Variants in PRR5 observed in about 807,000 individuals in gnomAD.
The protein encoded by PRR5 is proline rich 5.
A neutral mutation model predicts 30.6 loss-of-function variants in PRR5; 25 were observed. The observed-to-expected ratio is 0.82, with a 90% CI of 0.60 to 1.14. The LOEUF (loss-of-function observed/expected upper bound fraction) is 1.14. Among genes scored for constraint, PRR5 ranks in the 50% most tolerant of loss-of-function variants. The pLI is 0.00. For synonymous variants in PRR5, 286 were observed against 247.1 expected (o/e 1.16, Z -1.48); for missense variants, 600 against 547.1 (o/e 1.10, Z -0.96).
intron 5 of PRR5, 58 bp downstream of exon 5, chr22:44,731,879 C>A (rs1922045243): frequency 1.3e-6 from 2 of 1,555,528 alleles, no homozygotes; most frequent in East Asian, 2.3e-5. Context: ...CCACCCTGGC[C>A]TCACTCTACA....
intron 1 of PRR5, among the ~76,000 whole-genome samples, chr22:44,710,863 C>G (rs929673621): frequency 6.6e-6 from 1 of 152,162 alleles, no homozygotes; most frequent in Non-Finnish European, 1.5e-5. Context: ...CTCCCTGTAG[C>G]TTCACAGAAA....
At chr22:44,694,595 A>G (rs1925582595) in intron 1 of PRR5, among the ~76,000 whole-genome samples, 1 of 152,134 alleles carries the variant, frequency 6.6e-6, no homozygotes, top group African/African-American at 2.4e-5. Flanking sequence ...AGTGTAGGGA[A>G]GACACACTGA....
chr22:44,733,039 C>T (rs986818844), intron 6 of PRR5, among the ~76,000 whole-genome samples: 3 of 152,222 alleles, frequency 2.0e-5, no homozygotes, highest in Non-Finnish European at 2.9e-5. Context: ...ACACTACACA[C>T]ATACTTGCAT....
intron 1 of PRR5, among the ~76,000 whole-genome samples, chr22:44,678,322 CTCTT>C (rs1277983801): frequency 1.6e-4 from 23 of 144,360 alleles, no homozygotes; most frequent in Non-Finnish European, 1.5e-5. Context: ...CTTCTGCTGG[CTCTT>C]TTTTTTTTTT....
Position 44,736,795 on chromosome 22 carries a change from C to T in PRR5, c.715C>T (p.Arg239Cys), listed in dbSNP as rs529636044. 5.1e-5 allele frequency: 80 copies of T among 1,562,400 alleles called. No individual in the cohort carries two copies. The highest frequency in any genetic ancestry group is 1.1e-4 in the Admixed American group (6 of 55,674). Residue 239 changes from arginine to cysteine, a missense_variant, in exon 8 of 8, where the codon CGC (arginine) becomes TGC (cysteine). Arg to Cys is a radical substitution (Grantham distance 180, BLOSUM62 -3). Transcript: ENST00000336985. ...ILEKRLLRRS[R>C]SGDVLAKNPV... ...AGAAAAGCGCCTCCTCCGCCGCTCC[C>T]GCTCGGGGGACGTGCTGGCCAAGAA...
At chr22:44,679,780 T>C (rs1284845323) in intron 1 of PRR5, 1 of 1,581,676 alleles carries the variant, frequency 6.3e-7, no homozygotes, top group East Asian at 2.3e-5. Context: ...TGGGGCAGGC[T>C]GGTCAGAAGA....
intron 4 of PRR5, 95 bp from the exon 5 acceptor site, chr22:44,731,635 C>T (rs965669025): frequency 7.7e-7 from 1 of 1,294,466 alleles, no homozygotes; most frequent in Non-Finnish European, 1.1e-6. Context: ...AGCCCAGGCC[C>T]TCCACTCCCG....
chr22:44,679,847 CCCGGAAAAGATG>C, intron 1 of PRR5: 5 of 1,598,510 alleles, frequency 3.1e-6, no homozygotes, highest in Non-Finnish European at 4.3e-6. Flanking sequence ...GCTCGGGAAG[CCCGGAAAAGATG>C]CCGGCGCAGC....
upstream of PRR5, among the ~76,000 whole-genome samples, chr22:44,697,886 T>A (rs547910083): frequency 2.2e-4 from 33 of 152,296 alleles, 1 homozygote; most frequent in South Asian, 6.6e-3. Flanking sequence ...TGGCCGCCCC[T>A]GTATCATGCC....
chr22:44,679,517 C>A (rs756364858), intron 1 of PRR5: 2 of 253,844 alleles, frequency 7.9e-6, no homozygotes, highest in Non-Finnish European at 1.6e-5. Flanking sequence ...CCAGCCGGAC[C>A]AACATGGAGA....
chr22:44,711,149 C>T (rs191750804), intron 1 of PRR5, among the ~76,000 whole-genome samples: 1 of 152,150 alleles, frequency 6.6e-6, no homozygotes, highest in Non-Finnish European at 1.5e-5. Context: ...ATGGCGTTCG[C>T]GGGCAGGTGT....
rs1292502851 is a variant in PRR5, at chr22:44,702,440, C to CGCGCGTGG, written c.-29_-22dup. 5.4e-6 allele frequency: 7 copies of CGCGCGTGG among 1,294,894 alleles called. No homozygotes were observed. In the African/African-American group the frequency reaches 1.1e-4, roughly 20 times the overall value. The allele number at this position is 1,294,894 out of a possible 1,614,324, so 80.2% of individuals were successfully genotyped here. On this transcript the variant is annotated 5_prime_UTR_variant, in exon 1 of 8. Coordinates refer to ENST00000336985, the MANE Select transcript of PRR5 (RefSeq NM_181333.4). The stretch of plus-strand genomic sequence containing the variant: ...GCGTGGCGCAGGGCGCGGCGTGGGG[C>CGCGCGTGG]GCGCGTGGGCGCGGCGCAGGCGGCC...
At chr22:44,675,647 C>G (rs563160356), upstream of PRR5, among the ~76,000 whole-genome samples, 1 of 152,228 alleles carries the variant, frequency 6.6e-6, no homozygotes, top group African/African-American at 2.4e-5. Flanking sequence ...CAAATGGGAG[C>G]AAGAAGCAAC....
chr22:44,732,386 C>T lies in PRR5; in HGVS notation c.550C>T (p.Leu184=). The part of the protein sequence containing the change: ...PPAIVQMLLV[L]QGVHESRGVT... The stretch of plus-strand genomic sequence containing the variant: ...TGCCATCGTGCAGATGCTGCTGGTG[C>T]TGCAGGTGGGCACAGTGGGCAGAGG... The change falls in exon 6 of 8, where the codon CTG becomes TTG. Residue 184 remains leucine, a synonymous_variant. Transcript: ENST00000336985. The T allele has an allele frequency of 6.2e-7, 1 of 1,608,374 alleles. No individual in the cohort carries two copies. The highest frequency in any genetic ancestry group is 8.5e-7 in the Non-Finnish European group (1 of 1,178,676).
At chr22:44,722,907 A>C (rs1442832073) in intron 2 of PRR5, among the ~76,000 whole-genome samples, 1 of 152,214 alleles carries the variant, frequency 6.6e-6, no homozygotes, top group African/African-American at 2.4e-5. Context: ...AGGGCTTCCA[A>C]AATGACTACA....
intron 1 of PRR5, among the ~76,000 whole-genome samples, chr22:44,708,820 AG>A (rs1927654192): frequency 6.6e-6 from 1 of 151,914 alleles, no homozygotes; most frequent in African/African-American, 2.4e-5. Flanking sequence ...TACAAAAATT[AG>A]CCCAGCGTGG....
upstream of PRR5, among the ~76,000 whole-genome samples, chr22:44,674,710 C>T (rs574413959): frequency 6.6e-6 from 1 of 150,866 alleles, no homozygotes; most frequent in African/African-American, 2.4e-5. Context: ...CAGAGAGAGA[C>T]TCCGTCTAAA....
intron 1 of PRR5, among the ~76,000 whole-genome samples, chr22:44,681,412 AC>A (rs1037172159): frequency 3.9e-5 from 6 of 151,936 alleles, no homozygotes; most frequent in African/African-American, 1.5e-4. Flanking sequence ...ACATGGTGAA[AC>A]CCTGTCTCTA....
In PRR5 at chr22:44,731,701, C is replaced by T. The variant is rs200621686; in HGVS notation, c.323-29C>T. 8.0e-5 allele frequency: 129 copies of T among 1,609,258 alleles called. 1 individual carries two copies. The East Asian group carries it at 2.6e-3, about 33-fold the overall frequency. ...GAGGCATCTGCCCGCGCCAGTCAGG[C>T]CCAGTGGTGATGGCCCCCATGCCCA... On this transcript the variant is annotated intron_variant, in intron 4 of 7. Transcript: ENST00000336985.
Sources: allele counts gnomAD v4.1 joint callset (sites outside exome capture counted in the v4.1 genomes callset), GRCh38; gene constraint gnomAD v4.1.1; transcripts MANE v1.5; gene names NCBI Gene and HGNC (gene_info 2026-07-23, HGNC 2026-07-21).